The following SPPL3 variants were observed in gnomAD, a reference collection of about 807,000 sequenced individuals.
SPPL3 encodes the protein signal peptide peptidase-like 3.
Under a neutral mutation model 42.4 loss-of-function variants are expected in SPPL3, and 5 were observed. That is an observed-to-expected ratio of 0.12 (90% CI 0.06 to 0.25). SPPL3 has a LOEUF of 0.25. SPPL3 is among the 10% of genes least tolerant of loss of function. SPPL3 has a pLI of 1.00. For synonymous variants in SPPL3, 195 were observed against 181.8 expected, an observed-to-expected ratio of 1.07 and a Z score of -0.58; for missense variants, 235 against 489.0, an observed-to-expected ratio of 0.48 and a Z score of 4.90.
intron 1 of SPPL3, among the ~76,000 whole-genome samples, chr12:120,832,279 C>T (rs1871449714): frequency 6.6e-6 from 1 of 152,102 alleles, no homozygotes. Flanking sequence ...ATTAATCCCC[C>T]AAGAATTGTG....
chr12:120,896,098 T>C (rs1421374629), intron 1 of SPPL3, among the ~76,000 whole-genome samples: 2 of 152,174 alleles, frequency 1.3e-5, no homozygotes, highest in African/African-American at 4.8e-5. Flanking sequence ...AAAAGAGAGA[T>C]AACTAAGTTT....
intron 1 of SPPL3, among the ~76,000 whole-genome samples, chr12:120,890,911 G>A (rs1873620614): frequency 6.6e-6 from 1 of 152,174 alleles, no homozygotes; most frequent in African/African-American, 2.4e-5. Context: ...AACAGGACAA[G>A]CTAAGACTAT....
chr12:120,901,586 G>T (rs186786525), intron 1 of SPPL3, among the ~76,000 whole-genome samples: 2,786 of 68,178 alleles, frequency 0.041, 91 homozygotes, highest in African/African-American at 0.13. Context: ...GCGAGACTCC[G>T]TCCTAAAAAA....
chr12:120,768,760 A>T (rs1868999795), intron 7 of SPPL3, 193 bp downstream of exon 7: 1 of 631,926 alleles, frequency 1.6e-6, no homozygotes, highest in African/African-American at 1.8e-5. Context: ...ACACACACAC[A>T]CTACCTACTG....
Position 120,784,609 on chromosome 12 carries a change from A to C in SPPL3, c.191-16T>G, listed in dbSNP as rs1312027433. 6.3e-7 allele frequency: 1 copy of C among 1,589,454 alleles called. No homozygotes were observed. The highest frequency in any genetic ancestry group is 1.9e-5 in the Admixed American group (1 of 53,874). ...GTTTGGATGCCTGAAAGAGAAAAAC[A>C]GACAGATTAATAACTTATTATGCAC... On this transcript the variant is annotated splice_polypyrimidine_tract_variant and intron_variant, in intron 3 of 10. Transcript: ENST00000353487.
intron 2 of SPPL3, among the ~76,000 whole-genome samples, chr12:120,806,661 A>G (rs963155561): frequency 7.9e-5 from 12 of 151,994 alleles, no homozygotes; most frequent in Non-Finnish European, 1.5e-4. Flanking sequence ...ATCTTGGCAA[A>G]CACTGTGAAA....
intron 2 of SPPL3, among the ~76,000 whole-genome samples, chr12:120,808,035 T>TC (rs1200381334): frequency 6.6e-6 from 1 of 152,030 alleles, no homozygotes; most frequent in African/African-American, 2.4e-5. Context: ...ATAATCTTTG[T>TC]CAAGTTACAT....
intron 3 of SPPL3, among the ~76,000 whole-genome samples, chr12:120,788,202 C>T (rs1869789174): frequency 6.6e-6 from 1 of 152,148 alleles, no homozygotes; most frequent in African/African-American, 2.4e-5. Context: ...TTAATTTTAG[C>T]TATTCTGGTG....
intron 1 of SPPL3, among the ~76,000 whole-genome samples, chr12:120,838,531 C>A (rs558914418): frequency 2.0e-5 from 3 of 152,204 alleles, no homozygotes; most frequent in Non-Finnish European, 4.4e-5. Context: ...CAAGTCTTGG[C>A]TGAAGCCAGA....
chr12:120,783,034 A>G (rs140816915), intron 5 of SPPL3, among the ~76,000 whole-genome samples: 22 of 152,362 alleles, frequency 1.4e-4, no homozygotes, highest in East Asian at 3.9e-4. Context: ...GGAAAAGCTA[A>G]TAAGTATGGA....
At chr12:120,776,556 GT>G (rs1261504516) in intron 6 of SPPL3, among the ~76,000 whole-genome samples, 1 of 151,898 alleles carries the variant, frequency 6.6e-6, no homozygotes, top group Non-Finnish European at 1.5e-5. Context: ...TGAAAAGAAT[GT>G]CACCTTCCAC....
chr12:120,791,813 T>C (rs1869925911), intron 2 of SPPL3: 1 of 382,582 alleles, frequency 2.6e-6, no homozygotes, highest in Admixed American at 4.6e-5. Flanking sequence ...GAGCATATCA[T>C]ATCCTTAATT....
intron 1 of SPPL3, among the ~76,000 whole-genome samples, chr12:120,890,222 C>G (rs1873591662): frequency 6.6e-6 from 1 of 151,976 alleles, no homozygotes; most frequent in Non-Finnish European, 1.5e-5. Context: ...GCACTCCAGC[C>G]TGGACAACAA....
intron 10 of SPPL3, 54 bp from the exon 11 acceptor site, chr12:120,765,124 C>G: frequency 6.5e-7 from 1 of 1,549,276 alleles, no homozygotes; most frequent in Non-Finnish European, 8.7e-7. Flanking sequence ...GCACACACAG[C>G]TGTCTGATTC....
chr12:120,781,437 A>G (rs1592958988), intron 6 of SPPL3, among the ~76,000 whole-genome samples: 1 of 151,822 alleles, frequency 6.6e-6, no homozygotes, highest in South Asian at 2.1e-4. Flanking sequence ...TGTATGATGT[A>G]TATCACGTAC....
At chr12:120,783,568 T>C (rs1366675591) in intron 5 of SPPL3, 106 bp downstream of exon 5, 3 of 1,072,568 alleles carry the variant, frequency 2.8e-6, no homozygotes, top group East Asian at 5.2e-5. Context: ...TTGGCATTTC[T>C]GTGCTCCAGC....
intron 2 of SPPL3, among the ~76,000 whole-genome samples, chr12:120,799,314 G>A (rs1404815724): frequency 6.6e-6 from 1 of 152,182 alleles, no homozygotes; most frequent in Non-Finnish European, 1.5e-5. Context: ...TGTACTGAGA[G>A]TGAAAAACAG....
At chr12:120,888,760 A>G (rs142597776) in intron 1 of SPPL3, among the ~76,000 whole-genome samples, 21 of 152,296 alleles carry the variant, frequency 1.4e-4, no homozygotes, top group South Asian at 8.3e-4. Flanking sequence ...AATAAAAACT[A>G]CTTAATTGTA....
At chr12:120,820,188 A>C (rs1871012686) in intron 1 of SPPL3, among the ~76,000 whole-genome samples, 1 of 152,200 alleles carries the variant, frequency 6.6e-6, no homozygotes. Context: ...TTTGCTATCC[A>C]AAATTTCAAA....
Sources: gnomAD v4.1 joint callset for allele counts (sites outside exome capture counted in the v4.1 genomes callset) on GRCh38, gnomAD v4.1.1 for gene constraint, MANE v1.5 for transcripts, NCBI Gene and HGNC (gene_info 2026-07-23, HGNC 2026-07-21) for gene names.